Variants in PLB1 observed in about 807,000 individuals in gnomAD.
PLB1 encodes the protein phospholipase B1, membrane-associated.
PLB1 carries 242 observed loss-of-function variants against 227.4 expected under a neutral mutation model. That is an observed-to-expected ratio of 1.06 (90% CI 0.96 to 1.18). PLB1 has a LOEUF of 1.18. Among genes scored for constraint, PLB1 ranks in the 50% most tolerant of loss-of-function variants. The pLI, the probability that PLB1 is intolerant of heterozygous loss-of-function variation, is 0.00. For synonymous variants in PLB1, 757 were observed against 682.2 expected (o/e 1.11, Z -1.71); for missense variants, 1,858 against 1,816.3 (o/e 1.02, Z -0.42).
intron 8 of PLB1, 68 bp downstream of exon 8, chr2:28,529,847 T>A: frequency 6.7e-7 from 1 of 1,484,206 alleles, no homozygotes; most frequent in Admixed American, 1.7e-5. Flanking sequence ...CAGACCGAAG[T>A]GATGATGACC....
chr2:28,618,144 G>T (rs754282236), intron 45 of PLB1, among the ~76,000 whole-genome samples, 197 bp from the exon 46 acceptor site: 2 of 152,216 alleles, frequency 1.3e-5, no homozygotes, highest in Non-Finnish European at 2.9e-5. Context: ...GAGGGTGGAT[G>T]ATAGCCATGG....
intron 48 of PLB1, 44 bp from the exon 49 acceptor site, chr2:28,620,835 C>T (rs1253191667): frequency 3.2e-6 from 5 of 1,544,674 alleles, no homozygotes; most frequent in Non-Finnish European, 4.5e-6. Context: ...GAGGGTCCTG[C>T]AGGCTCTCAC....
intron 2 of PLB1, among the ~76,000 whole-genome samples, 187 bp downstream of exon 2, chr2:28,517,056 T>C (rs1668938888): frequency 6.6e-6 from 1 of 152,136 alleles, no homozygotes; most frequent in Non-Finnish European, 1.5e-5. Context: ...TGTCCTGGAA[T>C]TTGGAGCTCA....
At chr2:28,608,313 T>C (rs1206342465) in intron 43 of PLB1, among the ~76,000 whole-genome samples, 2 of 152,188 alleles carry the variant, frequency 1.3e-5, no homozygotes, top group Non-Finnish European at 2.9e-5. Context: ...TGGAGTGATA[T>C]AAAAGTCCAC....
intron 43 of PLB1, among the ~76,000 whole-genome samples, chr2:28,609,505 C>T (rs1001889046): frequency 6.6e-6 from 1 of 151,910 alleles, no homozygotes; most frequent in Non-Finnish European, 1.5e-5. Flanking sequence ...GAGAAAAAGC[C>T]GAAGTTTATC....
At chr2:28,638,910 A>G (rs1448072588) in intron 56 of PLB1, among the ~76,000 whole-genome samples, 1 of 151,884 alleles carries the variant, frequency 6.6e-6, no homozygotes, top group Non-Finnish European at 1.5e-5. Flanking sequence ...TGAAAATACA[A>G]AAATTATCCA....
chr2:28,525,392 G>A, intron 5 of PLB1, 85 bp downstream of exon 5: 5 of 1,415,168 alleles, frequency 3.5e-6, no homozygotes, highest in Non-Finnish European at 4.9e-6. Flanking sequence ...GGGAAAGATT[G>A]GAGGCCAGGG....
chr2:28,529,526 T>C, intron 7 of PLB1, 119 bp downstream of exon 7: 1 of 1,015,714 alleles, frequency 9.8e-7, no homozygotes, highest in Middle Eastern at 2.1e-4. Context: ...AGTATTTAAG[T>C]CAAAGCCCAA....
At chr2:28,512,432 G>C (rs890085479) in intron 1 of PLB1, among the ~76,000 whole-genome samples, 1 of 152,238 alleles carries the variant, frequency 6.6e-6, no homozygotes, top group East Asian at 1.9e-4. Flanking sequence ...TCCAACATCT[G>C]TGTCAACTTA....
chr2:28,532,324 GGATGGATGGATGGATGGATGGATA>G lies in PLB1; in HGVS notation c.555+144_555+167del, dbSNP rs1671129048. On this transcript the variant is annotated intron_variant, in intron 9 of 57. Coordinates refer to ENST00000327757, the MANE Select transcript of PLB1 (RefSeq NM_153021.5). ...ATGCCACCTATTTTAGAACATGGAT[GGATGGATGGATGGATGGATGGATA>G]GATGGATGGATGGGCAGACAGACAG... 4.0e-5 allele frequency: 21 copies of G among 522,404 alleles called. No homozygotes were observed. In the South Asian group the frequency reaches 5.1e-4, roughly 13 times the overall value. The allele number at this position is 522,404 out of a possible 1,614,324, so 32.4% of individuals were successfully genotyped here.
chr2:28,628,482 GC>G, intron 51 of PLB1, 80 bp from the exon 52 acceptor site: 3 of 1,297,128 alleles, frequency 2.3e-6, no homozygotes, highest in Non-Finnish European at 3.4e-6. Context: ...TTTAGCCCAG[GC>G]CCCAGAGCCC....
chr2:28,560,274 G>A (rs553775423), intron 17 of PLB1, among the ~76,000 whole-genome samples: 1 of 152,244 alleles, frequency 6.6e-6, no homozygotes, highest in South Asian at 2.1e-4. Context: ...TAGAGCTATG[G>A]CCAAGTCAGG....
chr2:28,559,556 A>T (rs374353696), intron 17 of PLB1, among the ~76,000 whole-genome samples: 6 of 152,258 alleles, frequency 3.9e-5, no homozygotes, highest in African/African-American at 1.4e-4. Flanking sequence ...TGTCTCCATG[A>T]AAGGAGACGA....
Position 28,608,361 on chromosome 2 carries a change from C to T in PLB1, c.3129+1794C>T, listed in dbSNP as rs536317625. Among the ~76,000 whole-genome samples, 279 of 152,302 alleles carry T rather than the reference C, an allele frequency of 1.8e-3. 1 individual carries two copies. Among genetic ancestry groups the T allele is most frequent in the African/African-American group, 6.4e-3 (266 of 41,574 alleles). The stretch of plus-strand genomic sequence containing the variant: ...GTGAGCTGACAGGGGCCAGGCAGCA[C>T]CTATTTTTGTCCTAGATGTGTCTAA... On this transcript the variant is annotated intron_variant, in intron 43 of 57. Coordinates refer to ENST00000327757, the MANE Select transcript of PLB1 (RefSeq NM_153021.5).
chr2:28,588,968 A>ATT (rs1221749646), intron 26 of PLB1, among the ~76,000 whole-genome samples: 3,569 of 151,960 alleles, frequency 0.023, 158 homozygotes, highest in African/African-American at 0.082. Context: ...GTTCGAGACC[A>ATT]GCCTGGCCAA....
At chr2:28,504,142 T>C (rs1012473504) in intron 1 of PLB1, among the ~76,000 whole-genome samples, 1 of 152,210 alleles carries the variant, frequency 6.6e-6, no homozygotes, top group Non-Finnish European at 1.5e-5. Context: ...GCCTTTTCCT[T>C]CTGGAATGCC....
rs146914259 is a variant in PLB1 at position 28,543,284 on chromosome 2, C to T, written c.936+16C>T. The T allele has an allele frequency of 2.0e-4, 316 of 1,609,650 alleles. 1 individual carries two copies. The African/African-American group carries it at 3.6e-3, about 19-fold the overall frequency. The stretch of plus-strand genomic sequence containing the variant: ...GAATAGGATGGTGAGTAGATGGGGC[C>T]TGGGGTGGGGCCCACAGAGGAGGGG... On this transcript the variant is annotated intron_variant, in intron 14 of 57. Coordinates refer to ENST00000327757, the MANE Select transcript of PLB1 (RefSeq NM_153021.5).
At chr2:28,621,042 G>A (rs35166577) in intron 49 of PLB1, 64 bp downstream of exon 49, 118,657 of 1,385,594 alleles carry the variant, frequency 0.086, 5,668 homozygotes, top group Non-Finnish European at 0.099. Context: ...GTGGGAAACC[G>A]GAGGAGAGGA....
intron 56 of PLB1, among the ~76,000 whole-genome samples, chr2:28,639,806 C>A (rs1353097916): frequency 6.6e-6 from 1 of 152,170 alleles, no homozygotes; most frequent in Non-Finnish European, 1.5e-5. Flanking sequence ...GTATGTAAGC[C>A]ACCCCAATCA....
Sources: allele counts gnomAD v4.1 joint callset (sites outside exome capture counted in the v4.1 genomes callset), GRCh38; gene constraint gnomAD v4.1.1; transcripts MANE v1.5; gene names NCBI Gene and HGNC (gene_info 2026-07-23, HGNC 2026-07-21).